The following CASR variants were observed in gnomAD, a reference collection of about 807,000 sequenced individuals.
CASR encodes the protein calcium sensing receptor, also known as extracellular calcium-sensing receptor.
CASR carries 23 observed loss-of-function variants against 69.1 expected under a neutral mutation model. The ratio of observed to expected loss-of-function variants is 0.33; its 90% CI spans 0.24 to 0.47. The LOEUF is 0.47. Ranked by LOEUF, CASR falls within the 20% of genes least tolerant of loss-of-function variation. The probability of loss-of-function intolerance (pLI) is 1.00; values close to 1 mark genes in which losing one functional copy is unlikely to be tolerated. For synonymous variants in CASR, 541 were observed against 544.7 expected (o/e 0.99, Z 0.10); for missense variants, 924 against 1,356.1 (o/e 0.68, Z 5.00).
At chr3:122,276,695 C>T (rs986252037) in intron 5 of CASR, among the ~76,000 whole-genome samples, 1 of 152,166 alleles carries the variant, frequency 6.6e-6, no homozygotes, top group African/African-American at 2.4e-5. Flanking sequence ...GGCTGCTGAA[C>T]TGTAAATCAA....
Position 122,284,195 on chromosome 3 carries a change from C to T in CASR, c.2241C>T (p.Pro747=). 1 of 1,614,030 alleles carries T rather than the reference C, an allele frequency of 6.2e-7. No homozygotes were observed. The highest frequency in any genetic ancestry group is 8.5e-7 in the Non-Finnish European group (1 of 1,180,016). ...GTGTGATCTGGCTCTACACCGCGCCCCCGTCAAGCTACCGCAACCAGGAGC... is the reference window on the plus strand; with the variant it reads ...GTGTGATCTGGCTCTACACCGCGCCTCCGTCAAGCTACCGCAACCAGGAGC... The part of the protein sequence containing the change: ...VICVIWLYTA[P]PSSYRNQELE... The change falls in exon 7 of 7, where the codon CCC becomes CCT. Residue 747 remains proline, a synonymous_variant. Coordinates refer to ENST00000639785, the MANE Select transcript of CASR (RefSeq NM_000388.4).
chr3:122,209,462 T>C (rs938924602), intron 1 of CASR, among the ~76,000 whole-genome samples: 1 of 152,208 alleles, frequency 6.6e-6, no homozygotes, highest in African/African-American at 2.4e-5. Flanking sequence ...CTCACAATCA[T>C]GGCAAAAGGC....
At chr3:122,202,586 A>G (rs1003567929) in intron 1 of CASR, among the ~76,000 whole-genome samples, 3 of 152,126 alleles carry the variant, frequency 2.0e-5, no homozygotes, top group African/African-American at 7.2e-5. Flanking sequence ...AATCTTTTGC[A>G]TTTACATTGC....
At chr3:122,184,551 A>T (rs2073757690) in intron 1 of CASR, 1 of 155,306 alleles carries the variant, frequency 6.4e-6, no homozygotes, top group South Asian at 2.0e-4. Flanking sequence ...GAACCCAAGG[A>T]GGGCGGGAGG....
intron 1 of CASR, among the ~76,000 whole-genome samples, chr3:122,214,615 T>A (rs1292858549): frequency 1.3e-5 from 2 of 152,202 alleles, no homozygotes; most frequent in Non-Finnish European, 2.9e-5. Context: ...GGGAAAGATG[T>A]ACTACTATTC....
At chr3:122,279,592 G>T (rs2074863371) in intron 5 of CASR, among the ~76,000 whole-genome samples, 2 of 152,124 alleles carry the variant, frequency 1.3e-5, no homozygotes, top group Admixed American at 1.3e-4. Context: ...TATTACATTA[G>T]CAGAATAAAA....
chr3:122,288,504 G>A lies in CASR; in HGVS notation c.*3313G>A, dbSNP rs13061727. 43,839 of 152,062 alleles carry A rather than the reference G, an allele frequency of 0.29. 7,568 individuals are homozygous for A. The highest frequency in any genetic ancestry group is 0.55 in the East Asian group (2,850 of 5,156). The allele number at this position is 152,062 out of a possible 1,614,324, so 9.4% of individuals were successfully genotyped here. ...CCTTCCCTGAGTTTTGGCAGCCAGAGCCTGTCTCAGAGATCTATTCCTGTT... is the reference window on the plus strand; with the variant it reads ...CCTTCCCTGAGTTTTGGCAGCCAGAACCTGTCTCAGAGATCTATTCCTGTT... On this transcript the variant is annotated 3_prime_UTR_variant, in exon 7 of 7. Coordinates refer to ENST00000639785, the MANE Select transcript of CASR (RefSeq NM_000388.4).
Position 122,259,317 on chromosome 3 carries a change from G to T in CASR, c.492+1930G>T, listed in dbSNP as rs544239230. On this transcript the variant is annotated intron_variant, in intron 3 of 6. Coordinates refer to ENST00000639785, the MANE Select transcript of CASR (RefSeq NM_000388.4). ...TGGATTTTTTAAAATGGTAGGTTTT[G>T]TGTTTGCAAAAATCTGATTTAGAGG... Among the ~76,000 whole-genome samples the T allele has an allele frequency of 2.6e-5, 4 of 152,178 alleles. No individual in the cohort carries two copies. In the East Asian group the frequency reaches 7.7e-4, roughly 29 times the overall value.
rs201569701 is a variant in CASR, at chr3:122,284,873, C to A, written c.2919C>A (p.Val973=). The change falls in exon 7 of 7, where the codon GTC becomes GTA. Residue 973 remains valine, a synonymous_variant. Coordinates refer to ENST00000639785, the MANE Select transcript of CASR (RefSeq NM_000388.4). ...KQKVIFGSGT[V]TFSLSFDEPQ... is the part of the protein sequence containing the mutation. ...AGGTCATCTTTGGCAGCGGCACGGT[C>A]ACCTTCTCACTGAGCTTTGATGAGC... 2 of 1,614,194 alleles carry A rather than the reference C, an allele frequency of 1.2e-6. No individual in the cohort carries two copies. Among genetic ancestry groups the A allele is most frequent in the Non-Finnish European group, 1.7e-6 (2 of 1,180,026 alleles).
At chr3:122,220,519 A>G (rs1208878823) in intron 1 of CASR, among the ~76,000 whole-genome samples, 1 of 152,282 alleles carries the variant, frequency 6.6e-6, no homozygotes, top group Non-Finnish European at 1.5e-5. Context: ...AATGCATTAA[A>G]TAAATCATAG....
At chr3:122,189,799 C>G (rs1175285963) in intron 1 of CASR, among the ~76,000 whole-genome samples, 1 of 152,074 alleles carries the variant, frequency 6.6e-6, no homozygotes, top group Non-Finnish European at 1.5e-5. Context: ...CAGTTGTACC[C>G]CTCAATAATT....
chr3:122,201,624 G>A (rs1387357485), intron 1 of CASR, among the ~76,000 whole-genome samples: 8 of 138,992 alleles, frequency 5.8e-5, no homozygotes, highest in South Asian at 4.4e-4. Context: ...CTGGCCGGGC[G>A]GGGGCGACCC....
At chr3:122,259,390 C>T (rs2074593838) in intron 3 of CASR, among the ~76,000 whole-genome samples, 1 of 152,040 alleles carries the variant, frequency 6.6e-6, no homozygotes, top group Admixed American at 6.6e-5. Flanking sequence ...ACAATAACAT[C>T]TAAACAAATT....
chr3:122,261,164 C>A (rs1576857561), intron 3 of CASR, among the ~76,000 whole-genome samples: 1 of 152,160 alleles, frequency 6.6e-6, no homozygotes, highest in East Asian at 1.9e-4. Flanking sequence ...TGAGGCAGCA[C>A]AGAGGAGGTT....
chr3:122,220,756 A>G (rs766411027), intron 1 of CASR, among the ~76,000 whole-genome samples: 2 of 152,140 alleles, frequency 1.3e-5, no homozygotes, highest in African/African-American at 4.8e-5. Flanking sequence ...GATGGATCAC[A>G]TGAGGTCAGG....
intron 1 of CASR, among the ~76,000 whole-genome samples, chr3:122,194,163 A>G (rs898022491): frequency 9.9e-5 from 15 of 151,918 alleles, no homozygotes; most frequent in South Asian, 4.2e-4. Context: ...GGAACCCCCT[A>G]TCTCCTTATC....
Position 122,254,323 on chromosome 3 carries a change from C to A in CASR, c.134C>A (p.Ala45Glu), listed in dbSNP as rs779995504. Residue 45 changes from alanine to glutamate, a missense_variant, in exon 2 of 7, where the codon GCA becomes GAA. Around this residue, in one of 8 missense-constraint regions of CASR, gnomAD observed 141 missense variants for 283.0 expected, o/e 0.50. Coordinates refer to ENST00000639785, the MANE Select transcript of CASR (RefSeq NM_000388.4). ...GGLFPIHFGV[A>E]AKDQDLKSRP... The stretch of plus-strand genomic sequence containing the variant: ...CTCTTTCCTATTCATTTTGGAGTAG[C>A]AGCTAAAGATCAAGATCTCAAATCA... The A allele has an allele frequency of 2.5e-6, 4 of 1,614,148 alleles. No individual in the cohort carries two copies. Among genetic ancestry groups the A allele is most frequent in the Non-Finnish European group, 3.4e-6 (4 of 1,180,034 alleles).
intron 1 of CASR, among the ~76,000 whole-genome samples, chr3:122,222,165 A>G (rs2074177968): frequency 6.6e-6 from 1 of 152,224 alleles, no homozygotes; most frequent in Non-Finnish European, 1.5e-5. Context: ...GGGGACTGGA[A>G]GAGGCCCTTT....
At chr3:122,186,957 A>C (rs1157983460) in intron 1 of CASR, among the ~76,000 whole-genome samples, 1 of 152,150 alleles carries the variant, frequency 6.6e-6, no homozygotes, top group African/African-American at 2.4e-5. Context: ...TATCAGTTGC[A>C]TTGTCTTCAG....
Sources: gnomAD v4.1 joint callset for allele counts (sites outside exome capture counted in the v4.1 genomes callset) on GRCh38, gnomAD v4.1.1 for gene constraint, gnomAD v4.1.1 regional missense constraint, MANE v1.5 for transcripts, NCBI Gene and HGNC (gene_info 2026-07-23, HGNC 2026-07-21) for gene names.